The following OSBPL6 variants were observed in gnomAD, a reference collection of about 807,000 sequenced individuals.
The protein encoded by OSBPL6 is oxysterol-binding protein-related protein 6.
Under a neutral mutation model 125.8 loss-of-function variants are expected in OSBPL6, and 49 were observed. The ratio of observed to expected loss-of-function variants is 0.39; its 90% CI spans 0.31 to 0.49. The LOEUF is 0.49. OSBPL6 is among the 20% of genes least tolerant of loss of function. OSBPL6 has a pLI of 0.88. For synonymous variants in OSBPL6, 394 were observed against 391.8 expected, an observed-to-expected ratio of 1.01 and a Z score of -0.07; for missense variants, 986 against 1,135.4, an observed-to-expected ratio of 0.87 and a Z score of 1.89.
intron 3 of OSBPL6, among the ~76,000 whole-genome samples, chr2:178,319,128 T>G (rs1230924553): frequency 1.3e-5 from 2 of 152,252 alleles, no homozygotes; most frequent in African/African-American, 2.4e-5. Flanking sequence ...GCAAAATTTA[T>G]GTTCTTTTGT....
chr2:178,257,713 A>G (rs1328059910), intron 1 of OSBPL6, among the ~76,000 whole-genome samples: 2 of 152,162 alleles, frequency 1.3e-5, no homozygotes, highest in Non-Finnish European at 2.9e-5. Context: ...TGAGGTTCAG[A>G]AAGGTTGTGA....
chr2:178,329,880 G>T (rs145219700), intron 5 of OSBPL6, among the ~76,000 whole-genome samples: 4 of 152,166 alleles, frequency 2.6e-5, no homozygotes, highest in Admixed American at 1.3e-4. Context: ...GTGCAGGGAG[G>T]TTATGTATGT....
At chr2:178,312,780 A>G (rs1363965611) in intron 3 of OSBPL6, among the ~76,000 whole-genome samples, 2 of 151,784 alleles carry the variant, frequency 1.3e-5, no homozygotes, top group African/African-American at 4.8e-5. Flanking sequence ...AACGAAGGTT[A>G]TTGCTTCCTG....
chr2:178,327,018 G>C (rs1012888350), intron 4 of OSBPL6, among the ~76,000 whole-genome samples: 3 of 151,462 alleles, frequency 2.0e-5, no homozygotes, highest in Non-Finnish European at 2.9e-5. Context: ...GGGAAAGGGT[G>C]GGGGGTGGCG....
intron 1 of OSBPL6, among the ~76,000 whole-genome samples, chr2:178,214,448 C>T (rs542805513): frequency 1.3e-5 from 2 of 152,230 alleles, no homozygotes; most frequent in East Asian, 3.9e-4. Flanking sequence ...GCTGGCTAGG[C>T]AAGTACAAAA....
At chr2:178,333,137 C>T in intron 8 of OSBPL6, 96 bp downstream of exon 8, 1 of 1,355,386 alleles carries the variant, frequency 7.4e-7, no homozygotes, top group South Asian at 1.3e-5. Flanking sequence ...AATCCCAGCA[C>T]TTTGGGAGGC....
intron 15 of OSBPL6, among the ~76,000 whole-genome samples, chr2:178,375,772 G>A (rs1312583529): frequency 6.6e-6 from 1 of 152,198 alleles, no homozygotes; most frequent in Non-Finnish European, 1.5e-5. Flanking sequence ...CGTGCATTAT[G>A]TGAGTTCTTA....
intron 1 of OSBPL6, among the ~76,000 whole-genome samples, chr2:178,236,538 A>G (rs2091059333): frequency 6.6e-6 from 1 of 152,176 alleles, no homozygotes; most frequent in African/African-American, 2.4e-5. Flanking sequence ...GCCAGTCTCT[A>G]CTAACTTCAG....
At chr2:178,358,708 T>C (rs912649559) in intron 12 of OSBPL6, among the ~76,000 whole-genome samples, 6 of 152,058 alleles carry the variant, frequency 3.9e-5, no homozygotes, top group Non-Finnish European at 8.8e-5. Flanking sequence ...TTCTTAGATA[T>C]AACACCAAAA....
chr2:178,363,601 C>T lies in OSBPL6; in HGVS notation c.1287+1786C>T, dbSNP rs1692549801. ...CACAGATCAGGCTTCTTGGAGGAAT[C>T]AGACCTTGAACCTGGCCTGAGTAGA... is the stretch of plus-strand genomic sequence containing the variant. On this transcript the variant is annotated intron_variant, in intron 13 of 24. Coordinates refer to ENST00000190611, the MANE Select transcript of OSBPL6 (RefSeq NM_032523.4). Among the ~76,000 whole-genome samples the T allele has an allele frequency of 2.0e-5, 3 of 152,162 alleles. 1 individual carries two copies. In the South Asian group the frequency reaches 6.2e-4, roughly 32 times the overall value.
chr2:178,258,726 A>G (rs778367238), intron 1 of OSBPL6, among the ~76,000 whole-genome samples: 4 of 149,698 alleles, frequency 2.7e-5, no homozygotes, highest in African/African-American at 2.5e-5. Flanking sequence ...TTTGCTGTCA[A>G]CTCCCCATCC....
intron 22 of OSBPL6, among the ~76,000 whole-genome samples, 193 bp from the exon 23 acceptor site, chr2:178,392,219 T>C (rs1341077053): frequency 1.3e-5 from 2 of 152,226 alleles, no homozygotes; most frequent in Non-Finnish European, 2.9e-5. Context: ...TATGAATCTG[T>C]CAATTCTGAT....
chr2:178,210,071 G>A (rs1355513738), intron 1 of OSBPL6, among the ~76,000 whole-genome samples: 4 of 151,890 alleles, frequency 2.6e-5, no homozygotes, highest in African/African-American at 9.7e-5. Context: ...CCAGGCTGGA[G>A]TGCAGTGGCA....
rs149334988 is a variant in OSBPL6 at position 178,235,617 on chromosome 2, A to G, written c.-351+40943A>G. Among the ~76,000 whole-genome samples, 57 of 152,170 alleles carry G rather than the reference A, an allele frequency of 3.7e-4. No individual in the cohort carries two copies. In the East Asian group the frequency reaches 9.8e-3, roughly 26 times the overall value. ...GAGATGGGGTTTCATCATGTTAGCC[A>G]GGATGGACTCAATCTTCTGACCTCG... On this transcript the variant is annotated intron_variant, in intron 1 of 24. Coordinates refer to ENST00000190611, the MANE Select transcript of OSBPL6 (RefSeq NM_032523.4).
chr2:178,264,322 C>T (rs185220159), intron 1 of OSBPL6, among the ~76,000 whole-genome samples: 1 of 152,174 alleles, frequency 6.6e-6, no homozygotes, highest in Admixed American at 6.5e-5. Context: ...TATAGCAATT[C>T]AGAAATGTTA....
chr2:178,266,865 A>G (rs958760000), intron 1 of OSBPL6, among the ~76,000 whole-genome samples: 1 of 152,192 alleles, frequency 6.6e-6, no homozygotes, highest in African/African-American at 2.4e-5. Flanking sequence ...TCTTTTCCAC[A>G]TTAGTGACCC....
chr2:178,380,020 A>T (rs1694313831), intron 15 of OSBPL6, among the ~76,000 whole-genome samples: 1 of 152,230 alleles, frequency 6.6e-6, no homozygotes, highest in African/African-American at 2.4e-5. Flanking sequence ...CAAATTCAAA[A>T]TGTTTACATG....
At chr2:178,217,178 G>C (rs932164532) in intron 1 of OSBPL6, among the ~76,000 whole-genome samples, 90 of 152,330 alleles carry the variant, frequency 5.9e-4, no homozygotes, top group Non-Finnish European at 3.2e-4. Context: ...GATTCAGAAA[G>C]TGCTGAAGAC....
At chr2:178,269,602 C>T (rs2092326710) in intron 1 of OSBPL6, among the ~76,000 whole-genome samples, 1 of 152,082 alleles carries the variant, frequency 6.6e-6, no homozygotes, top group South Asian at 2.1e-4. Flanking sequence ...TCATTGCAAC[C>T]CAAGGGAGGG....
Sources: gnomAD v4.1 joint callset for allele counts (sites outside exome capture counted in the v4.1 genomes callset) on GRCh38, gnomAD v4.1.1 for gene constraint, MANE v1.5 for transcripts, NCBI Gene and HGNC (gene_info 2026-07-23, HGNC 2026-07-21) for gene names.